CNTN1: variants seen among roughly 807,000 people sequenced by gnomAD.
CNTN1 encodes contactin 1.
Under a neutral mutation model 126.4 loss-of-function variants are expected in CNTN1, and 38 were observed. That is an observed-to-expected ratio of 0.30 (90% CI 0.23 to 0.39). The LOEUF is 0.39. Among genes scored for constraint, CNTN1 ranks in the 10% least tolerant of loss-of-function variants. The probability of loss-of-function intolerance (pLI) is 1.00; values close to 1 mark genes in which losing one functional copy is unlikely to be tolerated. For missense variants in CNTN1, 1,009 were observed against 1,248.4 expected (o/e 0.81, Z 2.89); for synonymous variants, 413 against 422.6 (o/e 0.98, Z 0.28).
chr12:40,832,215 C>T (rs2136554569), intron 1 of CNTN1, among the ~76,000 whole-genome samples: 1 of 152,198 alleles, frequency 6.6e-6, no homozygotes, highest in South Asian at 2.1e-4. Flanking sequence ...GATAAATTCT[C>T]AGCATTTCTT....
Position 40,929,840 on chromosome 12 carries a change from A to G in CNTN1, c.541A>G (p.Ile181Val), listed in dbSNP as rs1481545617. Residue 181 changes from isoleucine (I) to valine (V), a missense_variant, in exon 7 of 24, where the codon ATC becomes GTC. By Grantham distance (29) the Ile-to-Val change is conservative. Coordinates refer to ENST00000551295, the MANE Select transcript of CNTN1 (RefSeq NM_001843.4). ...RWLLNEFPVFITMDKRRFVSQ... is the reference protein window; with the variant it reads ...RWLLNEFPVFVTMDKRRFVSQ... ...GCTTCTAAATGAATTTCCTGTATTT[A>G]TCACAATGGATAAACGGCGATTTGT... 6 of 1,612,382 alleles carry G rather than the reference A, an allele frequency of 3.7e-6. No homozygotes were observed. The highest frequency in any genetic ancestry group is 1.3e-5 in the African/African-American group (1 of 74,832).
At chr12:40,704,541 A>G (rs929439284) in intron 1 of CNTN1, among the ~76,000 whole-genome samples, 32 of 152,122 alleles carry the variant, frequency 2.1e-4, no homozygotes, top group African/African-American at 7.5e-4. Context: ...GCTAAGACAC[A>G]TATATTTTAA....
At position 41,067,379 on chromosome 12, in the gene CNTN1, C is replaced by T. The variant is rs185573930; in HGVS notation, c.2981-2580C>T. Among the ~76,000 whole-genome samples the T allele has an allele frequency of 9.2e-5, 14 of 152,192 alleles. 1 individual carries two copies. The highest frequency in any genetic ancestry group is 3.4e-4 in the African/African-American group (14 of 41,524). On this transcript the variant is annotated intron_variant, in intron 23 of 23. Coordinates refer to ENST00000551295, the MANE Select transcript of CNTN1 (RefSeq NM_001843.4). ...CCACAGTTTGTACTTTGCCAACCCA[C>T]ATATTCAGCCAAGTACATAAACATG...
Position 40,693,300 on chromosome 12 carries a change from G to A in CNTN1, c.-77+708G>A, listed in dbSNP as rs561754267. On this transcript the variant is annotated intron_variant, in intron 1 of 23. Transcript: ENST00000551295. ...TCCCTCCTAGCCTGGCGCTGTCTACGGGAACCACCTTCACACCTAGTTTCT... is the reference window on the plus strand; with the variant it reads ...TCCCTCCTAGCCTGGCGCTGTCTACAGGAACCACCTTCACACCTAGTTTCT... Among the ~76,000 whole-genome samples the A allele has an allele frequency of 5.3e-4, 80 of 152,328 alleles. 2 individuals carry two copies. The South Asian group carries it at 0.016, about 30-fold the overall frequency.
intron 10 of CNTN1, among the ~76,000 whole-genome samples, 183 bp from the exon 11 acceptor site, chr12:40,937,387 T>C (rs1946116804): frequency 6.6e-6 from 1 of 152,088 alleles, no homozygotes; most frequent in Non-Finnish European, 1.5e-5. Context: ...AACAAGAGCC[T>C]TTGGGCATGG....
At chr12:40,738,872 G>A (rs565510629) in intron 1 of CNTN1, among the ~76,000 whole-genome samples, 7 of 152,154 alleles carry the variant, frequency 4.6e-5, no homozygotes, top group Admixed American at 3.9e-4. Flanking sequence ...ACTAGTAAAA[G>A]CACTCTGGAG....
At chr12:40,836,154 GATA>G (rs1373186764) in intron 1 of CNTN1, among the ~76,000 whole-genome samples, 2 of 115,458 alleles carry the variant, frequency 1.7e-5, no homozygotes, top group South Asian at 2.8e-4. Context: ...ACACATATAT[GATA>G]ATATATAATC....
intron 1 of CNTN1, among the ~76,000 whole-genome samples, chr12:40,804,961 T>C (rs1371097271): frequency 2.6e-5 from 4 of 152,082 alleles, no homozygotes; most frequent in Admixed American, 1.3e-4. Flanking sequence ...GTCGTTTCCT[T>C]CTTCAAAGAT....
intron 1 of CNTN1, chr12:40,742,280 T>A (rs1172885881): frequency 6.6e-6 from 1 of 152,158 alleles, no homozygotes; most frequent in African/African-American, 2.4e-5. Flanking sequence ...GAGTTTACAA[T>A]AGCTTAAATG....
intron 17 of CNTN1, 141 bp downstream of exon 17, chr12:40,993,410 G>C: frequency 1.5e-6 from 1 of 684,494 alleles, no homozygotes; most frequent in Non-Finnish European, 2.5e-6. Context: ...TCACTATCAA[G>C]ACAGTCAAAA....
intron 1 of CNTN1, among the ~76,000 whole-genome samples, chr12:40,767,125 A>G (rs1393569996): frequency 1.3e-5 from 2 of 152,092 alleles, no homozygotes; most frequent in East Asian, 1.9e-4. Context: ...AAGGAAATAT[A>G]TATTTTTAAT....
rs140887535 is a variant in CNTN1 at position 40,864,819 on chromosome 12, T to C, written c.-76-43538T>C. On this transcript the variant is annotated intron_variant, in intron 1 of 23. Coordinates refer to ENST00000551295, the MANE Select transcript of CNTN1 (RefSeq NM_001843.4). ...TGACTATCTGTAAGTTTTGTGTAGA[T>C]ATATGTTTTTATTTCTCTCATGCAT... Among the ~76,000 whole-genome samples the C allele has an allele frequency of 1.5e-3, 226 of 152,286 alleles. 3 individuals carry two copies. Among genetic ancestry groups the C allele is most frequent in the African/African-American group, 5.2e-3 (217 of 41,558 alleles).
At chr12:40,780,997 TACTC>T (rs1939777734) in intron 1 of CNTN1, among the ~76,000 whole-genome samples, 1 of 151,812 alleles carries the variant, frequency 6.6e-6, no homozygotes, top group Admixed American at 6.6e-5. Flanking sequence ...AGCAATCACA[TACTC>T]ACTACTAAGG....
chr12:40,869,403 G>T (rs542997481), intron 1 of CNTN1, among the ~76,000 whole-genome samples: 1 of 151,774 alleles, frequency 6.6e-6, no homozygotes, highest in Non-Finnish European at 1.5e-5. Flanking sequence ...GAGTAAGTTT[G>T]GACTACAGGT....
chr12:41,065,829 G>A (rs1191043578), intron 23 of CNTN1, among the ~76,000 whole-genome samples: 1 of 152,198 alleles, frequency 6.6e-6, no homozygotes, highest in African/African-American at 2.4e-5. Flanking sequence ...TTTACAGTTG[G>A]CATTATCCAT....
intron 1 of CNTN1, among the ~76,000 whole-genome samples, chr12:40,804,989 T>C (rs1416561737): frequency 6.6e-6 from 1 of 152,058 alleles, no homozygotes; most frequent in African/African-American, 2.4e-5. Context: ...CTGTGTCTTC[T>C]GGTGTACACA....
At chr12:40,759,450 C>T (rs1781595949) in intron 1 of CNTN1, among the ~76,000 whole-genome samples, 3 of 150,226 alleles carry the variant, frequency 2.0e-5, no homozygotes, top group South Asian at 4.2e-4. Flanking sequence ...CCCTTCTTCC[C>T]TTCCCTTCCC....
intron 1 of CNTN1, among the ~76,000 whole-genome samples, chr12:40,696,473 T>C (rs1180343649): frequency 2.0e-5 from 3 of 152,252 alleles, no homozygotes; most frequent in African/African-American, 7.2e-5. Context: ...TTTATAAGTC[T>C]ATCTGCTTTA....
At chr12:40,906,382 TA>T (rs1296934703) in intron 1 of CNTN1, among the ~76,000 whole-genome samples, 1 of 152,140 alleles carries the variant, frequency 6.6e-6, no homozygotes, top group Non-Finnish European at 1.5e-5. Flanking sequence ...ATTTCAGGCT[TA>T]TATATATTAA....
Sources: allele counts gnomAD v4.1 joint callset (sites outside exome capture counted in the v4.1 genomes callset), GRCh38; gene constraint gnomAD v4.1.1; transcripts MANE v1.5; gene names NCBI Gene and HGNC (gene_info 2026-07-23, HGNC 2026-07-21).